Variants in SLC22A24 observed in about 807,000 individuals in gnomAD.
The protein encoded by SLC22A24 is solute carrier family 22 member 24.
In SLC22A24, 53 loss-of-function variants were observed where a neutral mutation model predicts 49.8. That is an observed-to-expected ratio of 1.06 (90% CI 0.85 to 1.34). SLC22A24 has a LOEUF of 1.34. Ranked by LOEUF, SLC22A24 falls within the 40% of genes most tolerant of loss-of-function variation. SLC22A24 has a pLI of 0.00. For synonymous variants in SLC22A24, 302 were observed against 256.4 expected (o/e 1.18, Z -1.70); for missense variants, 786 against 675.9 (o/e 1.16, Z -1.81).
At position 63,113,137 on chromosome 11, in the gene SLC22A24, TAC is replaced by T. The variant is rs1361138752; in HGVS notation, c.830+5773_830+5774del. Reference sequence around the variant, plus strand: ...ACACATATATATATACATATATATATACACATATATATATACATATATATATA... The same window carrying T: ...ACACATATATATATACATATATATATACATATATATATACATATATATATA... On this transcript the variant is annotated intron_variant, in intron 4 of 9. Coordinates refer to ENST00000612278, the MANE Select transcript of SLC22A24 (RefSeq NM_001136506.2). Among the ~76,000 whole-genome samples, 45 of 6,448 alleles carry T rather than the reference TAC, an allele frequency of 7.0e-3. 8 individuals are homozygous for T. The highest frequency in any genetic ancestry group is 0.013 in the African/African-American group (45 of 3,360). The allele number at this position is 6,448 out of a possible 152,430, so 4.2% of individuals were successfully genotyped here.
intron 4 of SLC22A24, among the ~76,000 whole-genome samples, chr11:63,117,756 A>C (rs1387372175): frequency 6.6e-6 from 1 of 152,194 alleles, no homozygotes; most frequent in Non-Finnish European, 1.5e-5. Context: ...TGCATATAAC[A>C]CACAGAATAT....
At chr11:63,100,194 C>A (rs2087082091) in intron 5 of SLC22A24, among the ~76,000 whole-genome samples, 1 of 152,050 alleles carries the variant, frequency 6.6e-6, no homozygotes, top group Non-Finnish European at 1.5e-5. Context: ...CCACAAAAAA[C>A]TATGAGCTGA....
At chr11:63,087,042 A>G (rs1412151969) in intron 6 of SLC22A24, among the ~76,000 whole-genome samples, 1 of 110,960 alleles carries the variant, frequency 9.0e-6, no homozygotes, top group African/African-American at 3.1e-5. Context: ...ACACACACAC[A>G]CACACACACA....
chr11:63,080,040 C>A, intron 9 of SLC22A24, 40 bp from the exon 10 acceptor site: 2 of 1,331,702 alleles, frequency 1.5e-6, no homozygotes, highest in Non-Finnish European at 1.1e-6. Flanking sequence ...GATTAAGAAA[C>A]AAAAAATAAA....
chr11:63,116,721 G>A (rs1466354735), intron 4 of SLC22A24, among the ~76,000 whole-genome samples: 1 of 152,102 alleles, frequency 6.6e-6, no homozygotes, highest in African/African-American at 2.4e-5. Flanking sequence ...ACTACAAAAT[G>A]CATATGTTGA....
chr11:63,107,062 A>C (rs141232858), intron 4 of SLC22A24, among the ~76,000 whole-genome samples: 5,964 of 152,262 alleles, frequency 0.039, 171 homozygotes, highest in Non-Finnish European at 0.063. Flanking sequence ...TTATGGTTTT[A>C]GATCTAACAT....
chr11:63,119,466 G>A, intron 2 of SLC22A24, 131 bp from the exon 3 acceptor site: 2 of 864,472 alleles, frequency 2.3e-6, no homozygotes, highest in South Asian at 1.9e-5. Flanking sequence ...ACACCGGGTG[G>A]CATAATTATA....
chr11:63,139,067 T>C (rs2087396296), intron 1 of SLC22A24, among the ~76,000 whole-genome samples: 1 of 152,204 alleles, frequency 6.6e-6, no homozygotes, highest in Non-Finnish European at 1.5e-5. Flanking sequence ...TAATTAAAAG[T>C]GGATAAGCAA....
chr11:63,086,877 T>C (rs553798402), intron 6 of SLC22A24, among the ~76,000 whole-genome samples: 5 of 152,194 alleles, frequency 3.3e-5, no homozygotes, highest in Non-Finnish European at 7.4e-5. Context: ...ACCTTAAACA[T>C]ACACAATACA....
chr11:63,140,224 G>A (rs57968572), intron 1 of SLC22A24, among the ~76,000 whole-genome samples: 3,565 of 151,848 alleles, frequency 0.023, 127 homozygotes, highest in African/African-American at 0.08. Context: ...TGGGACTACA[G>A]GCACACACCA....
chr11:63,094,446 T>G (rs1402843455), intron 6 of SLC22A24, among the ~76,000 whole-genome samples: 1 of 152,136 alleles, frequency 6.6e-6, no homozygotes, highest in Non-Finnish European at 1.5e-5. Context: ...AACATACATG[T>G]GCATGTGTCA....
chr11:63,120,023 C>T (rs1352926620), intron 2 of SLC22A24, among the ~76,000 whole-genome samples: 1 of 151,048 alleles, frequency 6.6e-6, no homozygotes, highest in South Asian at 2.1e-4. Flanking sequence ...GGATATTAGC[C>T]CTTTGTCAGA....
intron 4 of SLC22A24, among the ~76,000 whole-genome samples, chr11:63,115,278 C>A (rs535223073): frequency 1.3e-5 from 2 of 152,178 alleles, no homozygotes; most frequent in Non-Finnish European, 2.9e-5. Context: ...ATGGCAGACA[C>A]CCCTCCCCCC....
At position 63,086,324 on chromosome 11, in the gene SLC22A24, G is replaced by A. The variant is rs540240118; in HGVS notation, c.1071-2867C>T. On this transcript the variant is annotated intron_variant, in intron 6 of 9. Transcript: ENST00000612278. ...TGGTAGACTGGATAAAGGAAATGTG[G>A]TACACATACACCATGGAATACTATG... 2.6e-5 allele frequency among the ~76,000 whole-genome samples: 4 copies of A among 152,228 alleles called. No homozygotes were observed. In the East Asian group the frequency reaches 5.8e-4, roughly 22 times the overall value.
intron 4 of SLC22A24, among the ~76,000 whole-genome samples, chr11:63,117,767 G>C (rs1183918676): frequency 6.6e-6 from 1 of 152,152 alleles, no homozygotes; most frequent in Non-Finnish European, 1.5e-5. Flanking sequence ...CACAGAATAT[G>C]TGTTAATAAC....
intron 6 of SLC22A24, among the ~76,000 whole-genome samples, chr11:63,094,042 C>T (rs1271647847): frequency 1.3e-5 from 2 of 151,568 alleles, no homozygotes; most frequent in African/African-American, 4.9e-5. Context: ...GCACAATGTG[C>T]AGGTTTGTTA....
chr11:63,090,113 A>AATGGC (rs1409678047), intron 6 of SLC22A24, among the ~76,000 whole-genome samples: 1 of 150,028 alleles, frequency 6.7e-6, no homozygotes, highest in Non-Finnish European at 1.5e-5. Flanking sequence ...AAAGACAAAG[A>AATGGC]ATGGCATTAC....
chr11:63,081,123 C>T lies in SLC22A24; in HGVS notation c.1395G>A (p.Arg465=), dbSNP rs1296302910. The change falls in exon 9 of 10, where the codon AGG becomes AGA. Residue 465 remains arginine (R), a splice_region_variant and synonymous_variant. Coordinates refer to ENST00000612278, the MANE Select transcript of SLC22A24 (RefSeq NM_001136506.2). Reference sequence around the variant, plus strand: ...CTGCATTGATTCCTGCAACTGTTGACCTTAGAGTGCAAATAACAATACAAA... The same window carrying T: ...CTGCATTGATTCCTGCAACTGTTGATCTTAGAGTGCAAATAACAATACAAA... ...HHNELVPTIL[R]STVAGINAVS... The T allele has an allele frequency of 5.2e-6, 8 of 1,550,962 alleles. No homozygotes were observed. The highest frequency in any genetic ancestry group is 2.4e-5 in the South Asian group (2 of 84,036).
At chr11:63,087,335 C>T (rs778907770) in intron 6 of SLC22A24, among the ~76,000 whole-genome samples, 1 of 152,148 alleles carries the variant, frequency 6.6e-6, no homozygotes, top group East Asian at 1.9e-4. Context: ...TGCAAGGAGC[C>T]AGGGACTTCC....
Sources: gnomAD v4.1 joint callset for allele counts (sites outside exome capture counted in the v4.1 genomes callset) on GRCh38, gnomAD v4.1.1 for gene constraint, MANE v1.5 for transcripts, NCBI Gene and HGNC (gene_info 2026-07-23, HGNC 2026-07-21) for gene names.